The following MAU2 variants were observed in gnomAD, a reference collection of about 807,000 sequenced individuals.
MAU2 encodes MAU2 sister chromatid cohesion factor.
MAU2 carries 9 observed loss-of-function variants against 89.1 expected under a neutral mutation model. The observed-to-expected ratio is 0.10, with a 90% CI of 0.06 to 0.18. The LOEUF (loss-of-function observed/expected upper bound fraction) is 0.18. Among genes scored for constraint, MAU2 ranks in the 10% least tolerant of loss-of-function variants. The probability of loss-of-function intolerance (pLI) is 1.00; values close to 1 mark genes in which losing one functional copy is unlikely to be tolerated. For missense variants in MAU2, 425 were observed against 803.5 expected (o/e 0.53, Z 5.69); for synonymous variants, 357 against 343.4 (o/e 1.04, Z -0.44).
chr19:19,354,242 A>C, intron 16 of MAU2, 113 bp from the exon 17 acceptor site: 2 of 758,058 alleles, frequency 2.6e-6, no homozygotes, highest in Non-Finnish European at 4.7e-6. Context: ...AGGAGGTCAC[A>C]ACCTGGGCTG....
chr19:19,338,992 G>A, intron 5 of MAU2, 53 bp downstream of exon 5: 1 of 1,426,910 alleles, frequency 7.0e-7, no homozygotes. Flanking sequence ...GAGGGGCTTG[G>A]CCATCTTGGT....
At chr19:19,351,796 C>T (rs561164487) in intron 16 of MAU2, among the ~76,000 whole-genome samples, 1 of 151,490 alleles carries the variant, frequency 6.6e-6, no homozygotes, top group South Asian at 2.1e-4. Flanking sequence ...CCACTGCCCA[C>T]GTCTCCCACG....
chr19:19,354,040 G>T, intron 16 of MAU2: 2 of 397,678 alleles, frequency 5.0e-6, no homozygotes, highest in Admixed American at 3.6e-5. Context: ...AGCCCCCATT[G>T]TGGGTCTAGG....
intron 18 of MAU2, 157 bp downstream of exon 18, chr19:19,355,548 C>A: frequency 1.6e-6 from 2 of 1,245,698 alleles, no homozygotes; most frequent in Non-Finnish European, 1.1e-6. Context: ...GCACCCCCAC[C>A]CAAGCAAGGG....
At chr19:19,321,183 G>A in intron 1 of MAU2, 48 bp downstream of exon 1, 1 of 1,512,758 alleles carries the variant, frequency 6.6e-7, no homozygotes, top group Non-Finnish European at 8.8e-7. Context: ...CTCCTTGCAA[G>A]ATCTGGGCTG....
Position 19,355,820 on chromosome 19 carries a change from C to T in MAU2, c.*38C>T, listed in dbSNP as rs373075390. The stretch of plus-strand genomic sequence containing the variant: ...GCCATCCAGCTCCGCAGGGCCTGCG[C>T]GTCTCCGGCTTCCACCCAGACGGCA... On this transcript the variant is annotated 3_prime_UTR_variant, in exon 19 of 19. Coordinates refer to ENST00000262815, the MANE Select transcript of MAU2 (RefSeq NM_015329.4). 3.8e-6 allele frequency: 6 copies of T among 1,570,292 alleles called. No homozygotes were observed. The highest frequency in any genetic ancestry group is 1.1e-5 in the South Asian group (1 of 90,432).
intron 9 of MAU2, 39 bp downstream of exon 9, chr19:19,342,905 C>T (rs886469961): frequency 1.2e-6 from 2 of 1,606,770 alleles, no homozygotes; most frequent in South Asian, 1.1e-5. Flanking sequence ...GCCACAGCGA[C>T]CCCTGGCGGA....
chr19:19,342,169 G>T (rs1178098377), intron 7 of MAU2, among the ~76,000 whole-genome samples: 1 of 152,146 alleles, frequency 6.6e-6, no homozygotes, highest in Non-Finnish European at 1.5e-5. Flanking sequence ...TGATTCCTGG[G>T]CCAGGAAGCC....
chr19:19,347,185 A>G (rs1024484425), intron 12 of MAU2, 95 bp from the exon 13 acceptor site: 36 of 772,912 alleles, frequency 4.7e-5, no homozygotes, highest in Non-Finnish European at 2.3e-6. Flanking sequence ...AGTCTTTTCC[A>G]AAGTAGTCTC....
At chr19:19,321,957 A>C (rs951324829) in intron 1 of MAU2, 5 of 151,618 alleles carry the variant, frequency 3.3e-5, no homozygotes, top group African/African-American at 9.7e-5. Flanking sequence ...GCCTCAAAGA[A>C]TGCGGGAGAG....
At chr19:19,343,798 G>T in intron 9 of MAU2, 39 bp from the exon 10 acceptor site, 1 of 1,512,622 alleles carries the variant, frequency 6.6e-7, no homozygotes. Flanking sequence ...CGCCTCCTCT[G>T]GCCTCCCCTG....
At chr19:19,331,678 G>A (rs1306526176) in intron 1 of MAU2, among the ~76,000 whole-genome samples, 5 of 151,854 alleles carry the variant, frequency 3.3e-5, no homozygotes, top group African/African-American at 1.2e-4. Context: ...GAAATGGGAC[G>A]ATCACCTGAG....
intron 1 of MAU2, among the ~76,000 whole-genome samples, chr19:19,330,834 G>A (rs552496328): frequency 3.3e-4 from 51 of 152,282 alleles, no homozygotes; most frequent in African/African-American, 1.2e-3. Context: ...CCAGGAGTTT[G>A]AGGTTACAGT....
At chr19:19,326,719 T>TATATGTGTATATATATATATAC (rs1327254833) in intron 1 of MAU2, among the ~76,000 whole-genome samples, 1 of 28,644 alleles carries the variant, frequency 3.5e-5, no homozygotes, top group Non-Finnish European at 1.1e-4. Context: ...TATATATATA[T>TATATGTGTATATATATATATAC]ACATATATAT....
At chr19:19,342,326 C>T (rs2061656567) in intron 7 of MAU2, among the ~76,000 whole-genome samples, 1 of 152,204 alleles carries the variant, frequency 6.6e-6, no homozygotes, top group Non-Finnish European at 1.5e-5. Flanking sequence ...AGCCTCAGTC[C>T]CACAGCTGCC....
chr19:19,347,546 G>A (rs990330904), intron 13 of MAU2, 180 bp downstream of exon 13: 4 of 573,306 alleles, frequency 7.0e-6, no homozygotes, highest in East Asian at 2.9e-5. Flanking sequence ...GGCTATGGCC[G>A]GGGGAGGCCA....
intron 1 of MAU2, among the ~76,000 whole-genome samples, chr19:19,326,727 T>TATAC (rs1555792873): frequency 1.3e-3 from 166 of 128,666 alleles, no homozygotes; most frequent in Middle Eastern, 7.9e-3. Flanking sequence ...TATACATATA[T>TATAC]ATATATATAC....
intron 16 of MAU2, among the ~76,000 whole-genome samples, chr19:19,350,030 C>T (rs1390181486): frequency 6.9e-6 from 1 of 145,742 alleles, no homozygotes; most frequent in Non-Finnish European, 1.5e-5. Flanking sequence ...CACAATGGCT[C>T]ACGCCTGTAA....
intron 17 of MAU2, 116 bp downstream of exon 17, chr19:19,354,561 C>A: frequency 1.1e-6 from 1 of 881,954 alleles, no homozygotes. Context: ...TGGGCCGCAG[C>A]CCCAGTTCTA....
Sources: allele counts gnomAD v4.1 joint callset (sites outside exome capture counted in the v4.1 genomes callset), GRCh38; gene constraint gnomAD v4.1.1; transcripts MANE v1.5; gene names NCBI Gene and HGNC (gene_info 2026-07-23, HGNC 2026-07-21).